The following L3MBTL4 variants were observed in gnomAD, a reference collection of about 807,000 sequenced individuals.
L3MBTL4 encodes L3MBTL histone methyl-lysine binding protein 4.
L3MBTL4 carries 70 observed loss-of-function variants against 84.5 expected under a neutral mutation model. The ratio of observed to expected loss-of-function variants is 0.83; its 90% CI spans 0.68 to 1.01. The LOEUF (loss-of-function observed/expected upper bound fraction) is 1.01. Ranked by LOEUF, L3MBTL4 falls within the 50% of genes least tolerant of loss-of-function variation. L3MBTL4 has a pLI of 0.00. For synonymous variants in L3MBTL4, 274 were observed against 259.8 expected, an observed-to-expected ratio of 1.05 and a Z score of -0.52; for missense variants, 715 against 754.8, an observed-to-expected ratio of 0.95 and a Z score of 0.62.
chr18:5,993,448 T>C (rs1349901866), intron 16 of L3MBTL4, among the ~76,000 whole-genome samples: 1 of 152,232 alleles, frequency 6.6e-6, no homozygotes, highest in Admixed American at 6.5e-5. Context: ...ACAGAGCATA[T>C]GCCCACTATT....
At chr18:6,018,763 G>A (rs2055113765) in intron 16 of L3MBTL4, among the ~76,000 whole-genome samples, 1 of 152,216 alleles carries the variant, frequency 6.6e-6, no homozygotes, top group South Asian at 2.1e-4. Flanking sequence ...CCAATGACAT[G>A]TCTGTGCTCT....
At chr18:5,971,005 A>G (rs149801429) in intron 16 of L3MBTL4, among the ~76,000 whole-genome samples, 28 of 152,268 alleles carry the variant, frequency 1.8e-4, no homozygotes, top group Non-Finnish European at 2.2e-4. Context: ...CTTCTCCCCA[A>G]TTCTTATGCT....
At chr18:6,135,347 C>A (rs1392845493) in intron 14 of L3MBTL4, among the ~76,000 whole-genome samples, 1 of 152,152 alleles carries the variant, frequency 6.6e-6, no homozygotes, top group East Asian at 1.9e-4. Context: ...CATTAGGCTC[C>A]TTGCTACTTA....
At chr18:6,075,380 A>G (rs1256570242) in intron 16 of L3MBTL4, among the ~76,000 whole-genome samples, 1 of 152,152 alleles carries the variant, frequency 6.6e-6, no homozygotes, top group Admixed American at 6.5e-5. Context: ...CCACACATAA[A>G]TGGTTACTCG....
chr18:6,146,763 A>G (rs1020746985), intron 13 of L3MBTL4, among the ~76,000 whole-genome samples: 1 of 152,224 alleles, frequency 6.6e-6, no homozygotes, highest in African/African-American at 2.4e-5. Flanking sequence ...ATTTCAGTAC[A>G]GGGAAAATTT....
In L3MBTL4 at chr18:6,212,804, G is replaced by T. The variant is rs1044102869; in HGVS notation, c.981+345C>A. 3.3e-5 allele frequency among the ~76,000 whole-genome samples: 5 copies of T among 152,280 alleles called. 1 individual carries two copies. Among genetic ancestry groups the T allele is most frequent in the Admixed American group, 3.3e-4 (5 of 15,300 alleles). On this transcript the variant is annotated intron_variant, in intron 12 of 18. Coordinates refer to ENST00000317931, the MANE Select transcript of L3MBTL4 (RefSeq NM_001330559.2). Reference sequence around the variant, plus strand: ...CAAAGTCAGTCATGTCTCATCTACAGATTTCCCCCTGCACATACACATAAG... The same window carrying T: ...CAAAGTCAGTCATGTCTCATCTACATATTTCCCCCTGCACATACACATAAG...
chr18:6,173,938 G>A (rs938419579), intron 12 of L3MBTL4, among the ~76,000 whole-genome samples: 13 of 152,220 alleles, frequency 8.5e-5, no homozygotes, highest in Non-Finnish European at 1.0e-4. Flanking sequence ...CACAAGTTCC[G>A]GGGAGAGGGG....
intron 1 of L3MBTL4, among the ~76,000 whole-genome samples, chr18:6,324,008 A>G (rs1295998581): frequency 6.6e-6 from 1 of 152,206 alleles, no homozygotes; most frequent in African/African-American, 2.4e-5. Flanking sequence ...CAGCCTCAGG[A>G]CACTGCTCCC....
At chr18:6,027,349 C>A (rs2055558050) in intron 16 of L3MBTL4, among the ~76,000 whole-genome samples, 1 of 152,164 alleles carries the variant, frequency 6.6e-6, no homozygotes, top group Non-Finnish European at 1.5e-5. Context: ...TGCATGGTCC[C>A]TGCAAAGGAC....
At chr18:6,325,642 A>G (rs1472146490) in intron 1 of L3MBTL4, among the ~76,000 whole-genome samples, 1 of 152,196 alleles carries the variant, frequency 6.6e-6, no homozygotes, top group Non-Finnish European at 1.5e-5. Flanking sequence ...GGAAACAAAA[A>G]ATTCAGCATA....
chr18:6,062,981 T>C (rs1360572696), intron 16 of L3MBTL4, among the ~76,000 whole-genome samples: 1 of 151,808 alleles, frequency 6.6e-6, no homozygotes, highest in Admixed American at 6.6e-5. Flanking sequence ...TATCCCTTAC[T>C]CCCCTCTCAA....
chr18:6,334,614 T>A (rs2052231883), intron 1 of L3MBTL4, among the ~76,000 whole-genome samples: 1 of 152,216 alleles, frequency 6.6e-6, no homozygotes, highest in Non-Finnish European at 1.5e-5. Flanking sequence ...TTGGCATTGT[T>A]TTTTCTTACT....
intron 5 of L3MBTL4, among the ~76,000 whole-genome samples, chr18:6,263,494 C>G (rs1016723475): frequency 6.6e-5 from 10 of 152,256 alleles, no homozygotes; most frequent in Admixed American, 5.2e-4. Context: ...TCAGGGGTTT[C>G]AATGTCTTCT....
chr18:6,279,996 A>T (rs2049257117), intron 4 of L3MBTL4, among the ~76,000 whole-genome samples: 1 of 152,214 alleles, frequency 6.6e-6, no homozygotes, highest in South Asian at 2.1e-4. Flanking sequence ...ACACACTTAA[A>T]ATATTATTCA....
At chr18:6,125,821 T>G (rs1274096105) in intron 14 of L3MBTL4, among the ~76,000 whole-genome samples, 1 of 152,198 alleles carries the variant, frequency 6.6e-6, no homozygotes, top group Non-Finnish European at 1.5e-5. Flanking sequence ...AGACAACTAA[T>G]TTTTGAACAT....
intron 16 of L3MBTL4, among the ~76,000 whole-genome samples, chr18:6,034,442 G>T (rs948205122): frequency 6.6e-6 from 1 of 152,024 alleles, no homozygotes; most frequent in East Asian, 1.9e-4. Flanking sequence ...ATGATGATTT[G>T]CAATTTCATC....
At chr18:6,172,749 T>G (rs1457205823) in intron 12 of L3MBTL4, among the ~76,000 whole-genome samples, 1 of 152,188 alleles carries the variant, frequency 6.6e-6, no homozygotes, top group Non-Finnish European at 1.5e-5. Flanking sequence ...AATTATTTCT[T>G]TTAAAAAATC....
At chr18:6,048,027 T>G (rs1380381291) in intron 16 of L3MBTL4, among the ~76,000 whole-genome samples, 2 of 152,152 alleles carry the variant, frequency 1.3e-5, no homozygotes, top group African/African-American at 4.8e-5. Flanking sequence ...ACCAAAAGCC[T>G]CCTAGAACAG....
At chr18:6,200,308 A>T (rs1378251168) in intron 12 of L3MBTL4, among the ~76,000 whole-genome samples, 1 of 152,146 alleles carries the variant, frequency 6.6e-6, no homozygotes, top group Non-Finnish European at 1.5e-5. Context: ...CACACACTAG[A>T]GTCATTGTGG....
Sources: allele counts gnomAD v4.1 joint callset (sites outside exome capture counted in the v4.1 genomes callset), GRCh38; gene constraint gnomAD v4.1.1; transcripts MANE v1.5; gene names NCBI Gene and HGNC (gene_info 2026-07-23, HGNC 2026-07-21).